SLC6A9: variants seen among roughly 807,000 people sequenced by gnomAD.
The protein encoded by SLC6A9 is sodium- and chloride-dependent glycine transporter 1.
Under a neutral mutation model 70.9 loss-of-function variants are expected in SLC6A9, and 31 were observed. That is an observed-to-expected ratio of 0.44 (90% CI 0.33 to 0.59). The LOEUF is 0.59. Among genes scored for constraint, SLC6A9 ranks in the 20% least tolerant of loss-of-function variants. The probability of loss-of-function intolerance (pLI) is 0.04; values close to 1 mark genes in which losing one functional copy is unlikely to be tolerated. For synonymous variants in SLC6A9, 310 were observed against 341.3 expected, an observed-to-expected ratio of 0.91 and a Z score of 1.01; for missense variants, 631 against 845.2, an observed-to-expected ratio of 0.75 and a Z score of 3.14.
At chr1:44,021,102 G>T (rs991458387) in intron 2 of SLC6A9, among the ~76,000 whole-genome samples, 1 of 152,282 alleles carries the variant, frequency 6.6e-6, no homozygotes, top group African/African-American at 2.4e-5. Context: ...GAGCTAGTGG[G>T]GGCTCTCTTG....
Position 44,001,277 on chromosome 1 carries a change from C to T in SLC6A9, c.1222G>A (p.Val408Ile). 1 of 1,614,230 alleles carries T rather than the reference C, an allele frequency of 6.2e-7. No homozygotes were observed. The highest frequency in any genetic ancestry group is 8.5e-7 in the Non-Finnish European group (1 of 1,180,034). ...CCCACCTCATCCACAATGGCTGTGACCAGCGTCTCCAGGAGGCAGAACTGC... is the reference window on the plus strand; with the variant it reads ...CCCACCTCATCCACAATGGCTGTGATCAGCGTCTCCAGGAGGCAGAACTGC... ...GTQFCLLETL[V>I]TAIVDEVGNE... Residue 408 changes from valine (V) to isoleucine (I), a missense_variant, in exon 10 of 14, where the codon GTC (valine) becomes ATC (isoleucine). Transcript: ENST00000372310.
In SLC6A9 at chr1:43,997,280, C is replaced by T; in HGVS notation, c.*265G>A. On this transcript the variant is annotated 3_prime_UTR_variant, in exon 14 of 14. Coordinates refer to ENST00000372310, the MANE Select transcript of SLC6A9 (RefSeq NM_001024845.3). The surrounding 1 kb of genome is among the most constrained non-coding windows in gnomAD (Gnocchi z 4.4). ...GCCATCCAGGCTGCTGGGGACCTGG[C>T]CCGAGACCCCTCCAAAGTGCTTTGG... is the stretch of plus-strand genomic sequence containing the variant. The T allele has an allele frequency of 2.0e-6, 1 of 499,822 alleles. No individual in the cohort carries two copies. The highest frequency in any genetic ancestry group is 3.6e-6 in the Non-Finnish European group (1 of 281,030). The allele number at this position is 499,822 out of a possible 1,614,324, so 31.0% of individuals were successfully genotyped here.
At chr1:44,011,718 G>A (rs751046121) in intron 2 of SLC6A9, 10 of 1,613,862 alleles carry the variant, frequency 6.2e-6, no homozygotes, top group South Asian at 3.3e-5. Flanking sequence ...AGGGAGAAGC[G>A]TCACCTGCAG....
chr1:44,030,040 C>T (rs1050304224), intron 1 of SLC6A9, among the ~76,000 whole-genome samples: 37 of 152,188 alleles, frequency 2.4e-4, no homozygotes, highest in East Asian at 5.8e-4. Context: ...GTCCCGTCTC[C>T]TTTAAGAGTG....
At chr1:44,016,531 G>T in intron 2 of SLC6A9, 1 of 153,560 alleles carries the variant, frequency 6.5e-6, no homozygotes, top group Non-Finnish European at 1.4e-5. Context: ...CAGCCCATGC[G>T]GGCACTTGCC....
In SLC6A9 at chr1:43,997,304, G is replaced by A. The variant is rs2085897886; in HGVS notation, c.*241C>T. On this transcript the variant is annotated 3_prime_UTR_variant, in exon 14 of 14. Transcript: ENST00000372310. This position sits in a 1 kb window ranked among gnomAD's most constrained non-coding sequence, Gnocchi z 4.4. ...GCCCGAGACCCCTCCAAAGTGCTTT[G>A]GACCTCCCAGCAACCCTCCACTCCC... is the stretch of plus-strand genomic sequence containing the variant. 1.8e-6 allele frequency: 1 copy of A among 545,006 alleles called. No individual in the cohort carries two copies. The highest frequency in any genetic ancestry group is 3.2e-6 in the Non-Finnish European group (1 of 308,576). The allele number at this position is 545,006 out of a possible 1,614,324, so 33.8% of individuals were successfully genotyped here.
chr1:44,004,200 T>C (rs1049394277), intron 5 of SLC6A9, among the ~76,000 whole-genome samples: 2 of 152,086 alleles, frequency 1.3e-5, no homozygotes, highest in Non-Finnish European at 2.9e-5. Flanking sequence ...TTCACCATGT[T>C]GGCCAGGCTG....
intron 1 of SLC6A9, among the ~76,000 whole-genome samples, chr1:44,027,418 T>C (rs1401750243): frequency 6.6e-6 from 1 of 152,186 alleles, no homozygotes; most frequent in Non-Finnish European, 1.5e-5. Flanking sequence ...CCTCCACATG[T>C]TCCTCCCCTC....
intron 1 of SLC6A9, among the ~76,000 whole-genome samples, chr1:44,027,385 T>C (rs2087001021): frequency 6.6e-6 from 1 of 152,226 alleles, no homozygotes. Context: ...AGTTTCTGCC[T>C]AATTTTTATC....
chr1:44,025,224 C>T (rs1279730351), intron 1 of SLC6A9, among the ~76,000 whole-genome samples: 1 of 151,956 alleles, frequency 6.6e-6, no homozygotes, highest in African/African-American at 2.4e-5. Flanking sequence ...AGGGAAATAG[C>T]GAAGTCGGGA....
intron 1 of SLC6A9, among the ~76,000 whole-genome samples, chr1:44,027,064 G>A (rs1324281431): frequency 3.3e-5 from 5 of 152,236 alleles, no homozygotes; most frequent in South Asian, 2.1e-4. Flanking sequence ...GGTCCCATCC[G>A]TCCATTCAGA....
At chr1:44,001,729 CT>C (rs1178326387) in intron 8 of SLC6A9, 102 bp from the exon 9 acceptor site, 280 of 826,762 alleles carry the variant, frequency 3.4e-4, no homozygotes, top group Non-Finnish European at 4.1e-4. Flanking sequence ...ACCCCCAACT[CT>C]TTTTTTTTGG....
intron 8 of SLC6A9, among the ~76,000 whole-genome samples, chr1:44,001,989 G>A (rs1261666446): frequency 1.3e-5 from 2 of 152,120 alleles, no homozygotes; most frequent in Non-Finnish European, 2.9e-5. Flanking sequence ...TCCCGCCTTG[G>A]CCTCTCAAAG....
chr1:44,011,413 G>A, intron 2 of SLC6A9: 2 of 697,662 alleles, frequency 2.9e-6, no homozygotes, highest in South Asian at 1.8e-5. Context: ...GCTTCTTCCT[G>A]GGGGCACAGA....
intron 12 of SLC6A9, among the ~76,000 whole-genome samples, chr1:43,998,240 A>G (rs955843304): frequency 2.0e-5 from 3 of 152,172 alleles, no homozygotes; most frequent in African/African-American, 7.2e-5. Context: ...GGAAGGGAGA[A>G]GTCTGTCTTT....
intron 5 of SLC6A9, among the ~76,000 whole-genome samples, chr1:44,005,487 G>A (rs185016453): frequency 6.6e-6 from 1 of 152,284 alleles, no homozygotes; most frequent in Non-Finnish European, 1.5e-5. Flanking sequence ...CTACCTAACA[G>A]GGTTTTTGTG....
intron 1 of SLC6A9, among the ~76,000 whole-genome samples, chr1:44,029,661 G>C (rs2087056317): frequency 6.6e-6 from 1 of 152,210 alleles, no homozygotes. Context: ...TTGTGCCCAA[G>C]TCTGGCTCCC....
At chr1:43,998,669 C>A (rs2085973806) in intron 12 of SLC6A9, among the ~76,000 whole-genome samples, 1 of 151,934 alleles carries the variant, frequency 6.6e-6, no homozygotes, top group African/African-American at 2.4e-5. Context: ...TCTGGGGGTG[C>A]AGTGCCCAGT....
Position 43,997,699 on chromosome 1 carries a change from G to A in SLC6A9, c.1748C>T (p.Pro583Leu). 1 of 1,611,176 alleles carries A rather than the reference G, an allele frequency of 6.2e-7. No individual in the cohort carries two copies. The highest frequency in any genetic ancestry group is 8.5e-7 in the Non-Finnish European group (1 of 1,179,076). The part of the protein sequence containing the change: ...NATKPSRDWG[P>L]ALLEHRTGRY... ...CCCTGTCCGGTGCTCCAGGAGGGCA[G>A]GGCCCCAGTCTCTGCTTGGCTTTGT... is the stretch of plus-strand genomic sequence containing the variant. Residue 583 changes from proline to leucine, a missense_variant, in exon 14 of 14, where the codon CCT (proline) becomes CTT (leucine). Transcript: ENST00000372310. This position sits in a 1 kb window ranked among gnomAD's most constrained non-coding sequence, Gnocchi z 4.4.
Sources: allele counts gnomAD v4.1 joint callset (sites outside exome capture counted in the v4.1 genomes callset), GRCh38; gene constraint gnomAD v4.1.1; non-coding constraint Gnocchi (gnomAD v3.1); transcripts MANE v1.5; gene names NCBI Gene and HGNC (gene_info 2026-07-23, HGNC 2026-07-21).